The following SLMAP variants were observed in gnomAD, a reference collection of about 807,000 sequenced individuals.
SLMAP encodes sarcolemmal membrane-associated protein.
A neutral mutation model predicts 128.8 loss-of-function variants in SLMAP; 44 were observed. The observed-to-expected ratio is 0.34, with a 90% confidence interval of 0.27 to 0.44. SLMAP has a LOEUF of 0.44. SLMAP is among the 20% of genes least tolerant of loss of function. The probability of loss-of-function intolerance (pLI) is 1.00; values close to 1 mark genes in which losing one functional copy is unlikely to be tolerated. For synonymous variants in SLMAP, 327 were observed against 348.8 expected (o/e 0.94, Z 0.70); for missense variants, 787 against 985.3 (o/e 0.80, Z 2.69).
At chr3:57,809,168 C>A (rs182179755) in intron 2 of SLMAP, among the ~76,000 whole-genome samples, 8 of 152,326 alleles carry the variant, frequency 5.3e-5, no homozygotes, top group African/African-American at 1.4e-4. Flanking sequence ...GGAGCCCACC[C>A]CTCACACCCC....
chr3:57,909,867 C>T (rs568432939), intron 19 of SLMAP, among the ~76,000 whole-genome samples: 1 of 151,944 alleles, frequency 6.6e-6, no homozygotes, highest in African/African-American at 2.4e-5. Flanking sequence ...CAATCTTGGC[C>T]TCCCAAAGTG....
intron 2 of SLMAP, among the ~76,000 whole-genome samples, chr3:57,759,200 C>A (rs1400549200): frequency 6.6e-6 from 1 of 152,006 alleles, no homozygotes; most frequent in African/African-American, 2.4e-5. Context: ...TCCTCATTTA[C>A]CTGTGGAACA....
intron 20 of SLMAP, among the ~76,000 whole-genome samples, 171 bp from the exon 21 acceptor site, chr3:57,912,987 C>A (rs1410104036): frequency 1.3e-5 from 2 of 152,030 alleles, no homozygotes; most frequent in Non-Finnish European, 2.9e-5. Flanking sequence ...TGATAGCAGT[C>A]CTTGAGGTAT....
intron 2 of SLMAP, among the ~76,000 whole-genome samples, chr3:57,796,247 G>A (rs2086707449): frequency 2.0e-5 from 3 of 152,310 alleles, no homozygotes; most frequent in Admixed American, 2.0e-4. Flanking sequence ...CAGAATAGTA[G>A]TTTTCAAACG....
At chr3:57,785,029 A>AT (rs899314594) in intron 2 of SLMAP, among the ~76,000 whole-genome samples, 6 of 151,772 alleles carry the variant, frequency 4.0e-5, no homozygotes, top group Non-Finnish European at 8.8e-5. Flanking sequence ...GATAGATTTT[A>AT]TATATATATA....
chr3:57,906,435 C>A (rs1446225811), intron 17 of SLMAP, among the ~76,000 whole-genome samples: 2 of 147,114 alleles, frequency 1.4e-5, no homozygotes, highest in African/African-American at 2.5e-5. Flanking sequence ...CGTGCCTCAG[C>A]CTCCTGAGTA....
chr3:57,772,797 C>T (rs537614256), intron 2 of SLMAP, among the ~76,000 whole-genome samples: 8 of 152,168 alleles, frequency 5.3e-5, no homozygotes, highest in East Asian at 3.9e-4. Context: ...TGCGCCACCA[C>T]GCCTGGCTAA....
At chr3:57,811,635 T>C (rs1213201242) in intron 2 of SLMAP, among the ~76,000 whole-genome samples, 1 of 152,186 alleles carries the variant, frequency 6.6e-6, no homozygotes, top group Admixed American at 6.5e-5. Context: ...ATGGTAATTC[T>C]TTTTCAAAAT....
chr3:57,855,421 C>T (rs1004312339), intron 6 of SLMAP, among the ~76,000 whole-genome samples: 1 of 151,896 alleles, frequency 6.6e-6, no homozygotes, highest in South Asian at 2.1e-4. Context: ...AAATGATATA[C>T]CTGTACAAGG....
At chr3:57,849,871 A>C (rs1457870488) in intron 6 of SLMAP, 55 bp downstream of exon 6, 2 of 1,023,476 alleles carry the variant, frequency 2.0e-6, no homozygotes, top group Non-Finnish European at 3.1e-6. Context: ...AACTTTTAAA[A>C]GTTCTTAAAA....
At chr3:57,818,635 T>A (rs1011400265) in intron 2 of SLMAP, among the ~76,000 whole-genome samples, 1 of 152,200 alleles carries the variant, frequency 6.6e-6, no homozygotes, top group Admixed American at 6.5e-5. Context: ...GTAGAATAAT[T>A]TTCTTTGATC....
At chr3:57,795,261 C>T (rs1052050686) in intron 2 of SLMAP, among the ~76,000 whole-genome samples, 7 of 152,060 alleles carry the variant, frequency 4.6e-5, no homozygotes, top group African/African-American at 1.4e-4. Context: ...AAATTGGGGC[C>T]GTGCATGGTG....
chr3:57,773,419 T>C (rs1227847076), intron 2 of SLMAP, among the ~76,000 whole-genome samples: 1 of 152,228 alleles, frequency 6.6e-6, no homozygotes, highest in Non-Finnish European at 1.5e-5. Context: ...ATTGGTAAAA[T>C]TGGTTTCTTT....
At chr3:57,888,239 T>C (rs1479201314) in intron 14 of SLMAP, among the ~76,000 whole-genome samples, 1 of 152,156 alleles carries the variant, frequency 6.6e-6, no homozygotes, top group Admixed American at 6.6e-5. Context: ...TGAAGCATTA[T>C]AAATTCTGAG....
chr3:57,906,553 G>GT (rs1249596654), intron 17 of SLMAP, among the ~76,000 whole-genome samples: 1 of 148,820 alleles, frequency 6.7e-6, no homozygotes, highest in Non-Finnish European at 1.5e-5. Context: ...CTGACCTCAA[G>GT]TGATCTGCCT....
At chr3:57,926,830 A>G (rs1288749843) in intron 24 of SLMAP, among the ~76,000 whole-genome samples, 1 of 152,212 alleles carries the variant, frequency 6.6e-6, no homozygotes, top group Non-Finnish European at 1.5e-5. Context: ...TGGACGACCA[A>G]AGCCTAGACC....
At chr3:57,859,364 G>A (rs976501949) in intron 8 of SLMAP, among the ~76,000 whole-genome samples, 1 of 150,998 alleles carries the variant, frequency 6.6e-6, no homozygotes. Context: ...AGACCAGTAT[G>A]GGCAACATGG....
At chr3:57,883,616 A>G (rs1278291806) in intron 14 of SLMAP, among the ~76,000 whole-genome samples, 1 of 152,178 alleles carries the variant, frequency 6.6e-6, no homozygotes, top group Non-Finnish European at 1.5e-5. Context: ...ATTCATAGTA[A>G]AATATTATAA....
rs769875280 is a variant in SLMAP, at chr3:57,757,489, C to G, written c.-163C>G. ...GGCTTGCGCTGGCTTGTCTTCCCAC[C>G]CAAGTGAAGAGTTGATGTTCACTGG... is the stretch of plus-strand genomic sequence containing the variant. On this transcript the variant is annotated 5_prime_UTR_variant, in exon 2 of 25. Coordinates refer to ENST00000671191, the MANE Select transcript of SLMAP (RefSeq NM_001377540.1). 3.5e-4 allele frequency: 231 copies of G among 655,916 alleles called. No individual in the cohort carries two copies. Among genetic ancestry groups the G allele is most frequent in the Admixed American group, 6.3e-4 (24 of 38,242 alleles). The allele number at this position is 655,916 out of a possible 1,614,324, so 40.6% of individuals were successfully genotyped here.
Sources: allele counts gnomAD v4.1 joint callset (sites outside exome capture counted in the v4.1 genomes callset), GRCh38; gene constraint gnomAD v4.1.1; transcripts MANE v1.5; gene names NCBI Gene and HGNC (gene_info 2026-07-23, HGNC 2026-07-21).